ULK4: variants seen among roughly 807,000 people sequenced by gnomAD.
ULK4 encodes unc-51 like kinase 4, also known as inactive serine/threonine-protein kinase ULK4.
Under a neutral mutation model 160.6 loss-of-function variants are expected in ULK4, and 133 were observed. The ratio of observed to expected loss-of-function variants is 0.83; its 90% CI spans 0.72 to 0.96. The LOEUF is 0.96. Among genes scored for constraint, ULK4 ranks in the 40% least tolerant of loss-of-function variants. ULK4 has a pLI of 0.00. For missense variants in ULK4, 1,580 were observed against 1,499.5 expected (o/e 1.05, Z -0.89); for synonymous variants, 534 against 539.8 (o/e 0.99, Z 0.15).
chr3:41,546,818 A>G (rs1410473470), intron 32 of ULK4, among the ~76,000 whole-genome samples: 1 of 148,448 alleles, frequency 6.7e-6, no homozygotes, highest in Non-Finnish European at 1.5e-5. Flanking sequence ...GTTTCACCTC[A>G]CGTGTTTCAC....
chr3:41,929,195 A>G (rs970031099), intron 5 of ULK4, among the ~76,000 whole-genome samples: 1 of 152,206 alleles, frequency 6.6e-6, no homozygotes, highest in African/African-American at 2.4e-5. Flanking sequence ...ACATACACAA[A>G]TCAATAAATG....
chr3:41,918,529 A>G lies in ULK4; in HGVS notation c.655T>C (p.Phe219Leu), dbSNP rs1263484521. The change falls in exon 7 of 37, where the codon TTC (phenylalanine) becomes CTC (leucine). Residue 219 changes from phenylalanine (F) to leucine (L), a missense_variant. Phe to Leu is a conservative substitution (Grantham distance 22, BLOSUM62 0). Coordinates refer to ENST00000301831, the MANE Select transcript of ULK4 (RefSeq NM_017886.4). Reference sequence around the variant, plus strand: ...AATTCTGAAATACTTTCTGAGAAGAATGGAGGTTTTCCTGAAATCACATGA... The same window carrying G: ...AATTCTGAAATACTTTCTGAGAAGAGTGGAGGTTTTCCTGAAATCACATGA... Reference protein sequence around the residue: ...LYEMFSGKPPFFSESISELTE... With the variant: ...LYEMFSGKPPLFSESISELTE... 4 of 1,573,658 alleles carry G rather than the reference A, an allele frequency of 2.5e-6. No individual in the cohort carries two copies. Among genetic ancestry groups the G allele is most frequent in the South Asian group, 2.4e-5 (2 of 81,854 alleles).
chr3:41,880,507 T>C (rs1006693234), intron 17 of ULK4, among the ~76,000 whole-genome samples: 1 of 152,236 alleles, frequency 6.6e-6, no homozygotes, highest in Non-Finnish European at 1.5e-5. Flanking sequence ...CATATTCTTC[T>C]GACATTCTTT....
intron 27 of ULK4, among the ~76,000 whole-genome samples, chr3:41,701,752 C>T (rs1040933381): frequency 1.3e-5 from 2 of 152,026 alleles, no homozygotes; most frequent in South Asian, 4.2e-4. Context: ...CTTGAAAATC[C>T]CAGACAACAA....
At chr3:41,421,860 C>T (rs2082671708) in intron 34 of ULK4, among the ~76,000 whole-genome samples, 2 of 152,124 alleles carry the variant, frequency 1.3e-5, no homozygotes, top group Non-Finnish European at 2.9e-5. Flanking sequence ...ATTTTGAATG[C>T]ACACGTAAAA....
At chr3:41,398,350 G>T in intron 34 of ULK4, 86 bp from the exon 35 acceptor site, 1 of 1,380,470 alleles carries the variant, frequency 7.2e-7, no homozygotes, top group Non-Finnish European at 1.0e-6. Flanking sequence ...TGGCTTGATG[G>T]GGGTGTCAGC....
At chr3:41,901,674 T>A (rs1171686077) in intron 12 of ULK4, among the ~76,000 whole-genome samples, 1 of 150,670 alleles carries the variant, frequency 6.6e-6, no homozygotes, top group Non-Finnish European at 1.5e-5. Flanking sequence ...GAATCGGGGT[T>A]TCACCATGTT....
intron 18 of ULK4, among the ~76,000 whole-genome samples, chr3:41,825,827 C>A (rs2041326066): frequency 6.6e-6 from 1 of 152,066 alleles, no homozygotes; most frequent in Admixed American, 6.6e-5. Context: ...AAATGCTTCT[C>A]AAGAAGAGCA....
intron 21 of ULK4, among the ~76,000 whole-genome samples, chr3:41,775,272 G>A (rs973422577): frequency 2.0e-5 from 3 of 150,240 alleles, no homozygotes; most frequent in Non-Finnish European, 2.9e-5. Flanking sequence ...TTAAATAATT[G>A]TATTTTACCT....
intron 5 of ULK4, among the ~76,000 whole-genome samples, chr3:41,931,340 G>T (rs1246577987): frequency 6.6e-6 from 1 of 151,860 alleles, no homozygotes; most frequent in Non-Finnish European, 1.5e-5. Flanking sequence ...AGGGGGTAGG[G>T]GTCTAAAGGA....
chr3:41,431,400 C>T (rs1404155319), intron 34 of ULK4, among the ~76,000 whole-genome samples: 4 of 146,602 alleles, frequency 2.7e-5, no homozygotes, highest in Admixed American at 6.8e-5. Context: ...ATAATAATAC[C>T]CCTACCAATA....
Position 41,882,015 on chromosome 3 carries a change from T to G in ULK4, c.1656+1859A>C, listed in dbSNP as rs1211999562. 9 of 488,394 alleles carry G rather than the reference T, an allele frequency of 1.8e-5. No homozygotes were observed. In the South Asian group the frequency reaches 2.1e-4, roughly 11 times the overall value. 30.3% of individuals were successfully genotyped at this position (488,394 alleles called of 1,614,324 possible). On this transcript the variant is annotated intron_variant, in intron 17 of 36. Coordinates refer to ENST00000301831, the MANE Select transcript of ULK4 (RefSeq NM_017886.4). Reference sequence around the variant, plus strand: ...CAGCAGCAGCAACAGCAAGTACCAGTAGAATGAGGCCATCACATCACCCAG... The same window carrying G: ...CAGCAGCAGCAACAGCAAGTACCAGGAGAATGAGGCCATCACATCACCCAG...
At chr3:41,888,146 GAAAC>G (rs1358378270) in intron 16 of ULK4, among the ~76,000 whole-genome samples, 2 of 150,976 alleles carry the variant, frequency 1.3e-5, no homozygotes, top group African/African-American at 4.9e-5. Context: ...ATAAGGAAAA[GAAAC>G]AAAAGAAAGA....
At chr3:41,524,892 C>T (rs534644065) in intron 32 of ULK4, among the ~76,000 whole-genome samples, 5 of 152,086 alleles carry the variant, frequency 3.3e-5, no homozygotes, top group African/African-American at 7.2e-5. Context: ...GAGCCAAGAT[C>T]GCGTCACTGC....
At chr3:41,748,800 T>G (rs566148535) in intron 22 of ULK4, among the ~76,000 whole-genome samples, 1 of 152,340 alleles carries the variant, frequency 6.6e-6, no homozygotes, top group East Asian at 1.9e-4. Flanking sequence ...GTATTAATAG[T>G]ATGCTATGAA....
intron 29 of ULK4, among the ~76,000 whole-genome samples, chr3:41,668,535 G>C (rs1202435767): frequency 2.0e-5 from 3 of 152,150 alleles, no homozygotes; most frequent in African/African-American, 7.2e-5. Context: ...ATACAGCCTA[G>C]GTGTGTAGTA....
chr3:41,357,078 C>T (rs2081044900), intron 35 of ULK4, among the ~76,000 whole-genome samples: 1 of 152,028 alleles, frequency 6.6e-6, no homozygotes, highest in South Asian at 2.1e-4. Flanking sequence ...GGTGTTGGAC[C>T]CCAGAGTAAA....
At chr3:41,676,594 T>TA (rs76058087) in intron 29 of ULK4, among the ~76,000 whole-genome samples, 4,293 of 147,808 alleles carry the variant, frequency 0.029, 141 homozygotes, top group East Asian at 0.088. Flanking sequence ...CTTCTTCAGT[T>TA]AAAAAAAAAA....
At chr3:41,810,867 T>C (rs2040801204) in intron 19 of ULK4, among the ~76,000 whole-genome samples, 1 of 152,138 alleles carries the variant, frequency 6.6e-6, no homozygotes, top group African/African-American at 2.4e-5. Flanking sequence ...TTACTGAGCA[T>C]GGGCCATTAT....
Sources: gnomAD v4.1 joint callset for allele counts (sites outside exome capture counted in the v4.1 genomes callset) on GRCh38, gnomAD v4.1.1 for gene constraint, MANE v1.5 for transcripts, NCBI Gene and HGNC (gene_info 2026-07-23, HGNC 2026-07-21) for gene names.